PSMB8: variants seen among roughly 807,000 people sequenced by gnomAD.
The protein encoded by PSMB8 is proteasome subunit beta type-8.
In PSMB8, 20 loss-of-function variants were observed where a neutral mutation model predicts 32.3. The observed-to-expected ratio is 0.62, with a 90% CI of 0.44 to 0.90. PSMB8 has a LOEUF of 0.90. Ranked by LOEUF, PSMB8 falls within the 40% of genes least tolerant of loss-of-function variation. PSMB8 has a pLI of 0.00. For synonymous variants in PSMB8, 131 were observed against 135.4 expected (o/e 0.97, Z 0.23); for missense variants, 342 against 365.4 (o/e 0.94, Z 0.52).
chr6:32,844,290 G>A, upstream of PSMB8: 1 of 1,613,856 alleles, frequency 6.2e-7, no homozygotes, highest in Non-Finnish European at 8.5e-7. Flanking sequence ...TCCAGGCCCG[G>A]GCATCCGCTG....
intron 1 of PSMB8, 79 bp downstream of exon 1, chr6:32,843,771 C>T (rs1156738050): frequency 6.4e-7 from 1 of 1,573,094 alleles, no homozygotes; most frequent in African/African-American, 1.3e-5. Flanking sequence ...CTCCCGCTCT[C>T]GCCTCCTCCT....
chr6:32,844,180 G>C, upstream of PSMB8: 1 of 1,540,850 alleles, frequency 6.5e-7, no homozygotes, highest in Non-Finnish European at 8.8e-7. Flanking sequence ...CCCGTTATGG[G>C]GGTCGGGGGA....
In PSMB8 at chr6:32,843,946, C is replaced by G. The variant is rs370520028; in HGVS notation, c.51G>C (p.Ser17=). The change falls in exon 1 of 6, where the codon TCG becomes TCC. Residue 17 remains serine, a synonymous_variant. Coordinates refer to ENST00000374882, the MANE Select transcript of PSMB8 (RefSeq NM_148919.4). ...CGAPRGQRPE[S]ALPVAGSGRR... is the part of the protein sequence containing the mutation. ...GCCCGCTTCCCGCAACCGGGAGAGC[C>G]GATTCCGGCCGCTGCCCTCGGGGGG... 13 of 1,612,452 alleles carry G rather than the reference C, an allele frequency of 8.1e-6. No homozygotes were observed. The Admixed American group carries it at 1.8e-4, about 23-fold the overall frequency.
chr6:32,841,298 C>T (rs1769883502), intron 5 of PSMB8, among the ~76,000 whole-genome samples: 1 of 152,090 alleles, frequency 6.6e-6, no homozygotes, highest in African/African-American at 2.4e-5. Flanking sequence ...AATGCAGTGG[C>T]GCCATCTTGG....
At chr6:32,841,925 T>G in intron 4 of PSMB8, 190 bp from the exon 5 acceptor site, 1 of 1,014,280 alleles carries the variant, frequency 9.9e-7, no homozygotes, top group Non-Finnish European at 1.5e-6. Context: ...AAATCAACTG[T>G]TTAACAAAAG....
At chr6:32,842,890 G>T (rs1770011205) in intron 2 of PSMB8, 52 bp downstream of exon 2, 1 of 1,613,372 alleles carries the variant, frequency 6.2e-7, no homozygotes, top group African/African-American at 1.3e-5. Flanking sequence ...GCCTCCTGTG[G>T]AAAGGAGAGC....
chr6:32,841,395 G>A (rs1344388040), intron 5 of PSMB8, 136 bp downstream of exon 5: 14 of 907,734 alleles, frequency 1.5e-5, no homozygotes, highest in South Asian at 7.0e-5. Context: ...CCGTCACCAC[G>A]TCCGGCTAAT....
chr6:32,841,458 T>G, intron 5 of PSMB8, 73 bp downstream of exon 5: 1 of 1,493,166 alleles, frequency 6.7e-7, no homozygotes. Flanking sequence ...GGCTGGTTTC[T>G]CAATCTTAAA....
chr6:32,842,098 C>T, intron 4 of PSMB8, 36 bp downstream of exon 4: 1 of 1,613,008 alleles, frequency 6.2e-7, no homozygotes, highest in Non-Finnish European at 8.5e-7. Flanking sequence ...CCATAGGGAA[C>T]ATGGTGGGGG....
chr6:32,844,313 G>A, upstream of PSMB8: 2 of 1,613,872 alleles, frequency 1.2e-6, no homozygotes, highest in Non-Finnish European at 1.7e-6. Context: ...AACAGGGGTG[G>A]GTAGGGTCGT....
At chr6:32,841,809 TA>T in intron 4 of PSMB8, 74 bp from the exon 5 acceptor site, 1 of 1,389,536 alleles carries the variant, frequency 7.2e-7, no homozygotes, top group Non-Finnish European at 1.0e-6. Flanking sequence ...ATATGAGACA[TA>T]AAAAGTGAAC....
chr6:32,841,379 A>T, intron 5 of PSMB8, 152 bp downstream of exon 5: 1 of 789,294 alleles, frequency 1.3e-6, no homozygotes. Flanking sequence ...CTGGGACTAC[A>T]GGCACCCGTC....
At chr6:32,844,166 C>A, upstream of PSMB8, 2 of 1,525,100 alleles carry the variant, frequency 1.3e-6, no homozygotes, top group South Asian at 2.4e-5. Context: ...GGCTTCTCTG[C>A]TCTCCCGTTA....
chr6:32,842,598 G>T, intron 3 of PSMB8, 74 bp downstream of exon 3: 2 of 1,309,590 alleles, frequency 1.5e-6, no homozygotes, highest in Non-Finnish European at 2.2e-6. Flanking sequence ...TAGGACAAGA[G>T]TAAGGAGCAA....
chr6:32,842,905 C>A (rs746560895), intron 2 of PSMB8, 37 bp downstream of exon 2: 2 of 1,613,998 alleles, frequency 1.2e-6, no homozygotes, highest in Non-Finnish European at 1.7e-6. Context: ...GAGAGCCCAG[C>A]TCCCCAGATT....
At position 32,842,566 on chromosome 6, in the gene PSMB8, A is replaced by G. The variant is rs986074644; in HGVS notation, c.407+106T>C. ...AAAAAGCTGTTTTGTGAAATATACT[A>G]TTAGCACTAAGATGGACCACATAGG... is the stretch of plus-strand genomic sequence containing the variant. On this transcript the variant is annotated intron_variant, in intron 3 of 5. Coordinates refer to ENST00000374882, the MANE Select transcript of PSMB8 (RefSeq NM_148919.4). The G allele has an allele frequency of 7.4e-6, 8 of 1,082,660 alleles. No individual in the cohort carries two copies. The South Asian group carries it at 8.9e-5, about 12-fold the overall frequency. The allele number at this position is 1,082,660 out of a possible 1,614,324, so 67.1% of individuals were successfully genotyped here. A position where few individuals can be genotyped will look rare whatever the true frequency, so the allele number is the denominator to read the frequency against.
At chr6:32,844,552 C>T (rs1489178575), upstream of PSMB8, 1 of 1,020,856 alleles carries the variant, frequency 9.8e-7, no homozygotes, top group Non-Finnish European at 1.5e-6. Context: ...CTGAATCTTT[C>T]CACGGGGTCC....
Position 32,842,664 on chromosome 6 carries a change from T to G in PSMB8, c.407+8A>C. 6.2e-7 allele frequency: 1 copy of G among 1,608,956 alleles called. No individual in the cohort carries two copies. The highest frequency in any genetic ancestry group is 8.5e-7 in the Non-Finnish European group (1 of 1,175,812). ...GGCTAAGAAAGGAAGATGAGAGGCC[T>G]CGCTTACCTGCATTCCTTGGCCAGC... On this transcript the variant is annotated splice_region_variant and intron_variant, in intron 3 of 5. Coordinates refer to ENST00000374882, the MANE Select transcript of PSMB8 (RefSeq NM_148919.4).
chr6:32,843,215 A>T, intron 1 of PSMB8, 126 bp from the exon 2 acceptor site: 1 of 1,060,818 alleles, frequency 9.4e-7, no homozygotes, highest in South Asian at 1.3e-5. Context: ...AATAAATGAA[A>T]CAGTTAATAA....
Sources: allele counts gnomAD v4.1 joint callset (sites outside exome capture counted in the v4.1 genomes callset), GRCh38; gene constraint gnomAD v4.1.1; transcripts MANE v1.5; gene names NCBI Gene and HGNC (gene_info 2026-07-23, HGNC 2026-07-21).